The following PHF24 variants were observed in gnomAD, a reference collection of about 807,000 sequenced individuals.
PHF24 encodes the protein PHD finger protein 24, also known as Galpha inhibitory interacting protein.
In PHF24, 25 loss-of-function variants were observed where a neutral mutation model predicts 42.6. The ratio of observed to expected loss-of-function variants is 0.59; its 90% confidence interval spans 0.43 to 0.82. The LOEUF (loss-of-function observed/expected upper bound fraction) is 0.82, where lower values mean the gene tolerates loss of function less well. PHF24 is among the 40% of genes least tolerant of loss of function. The pLI is 0.00. For missense variants in PHF24, 470 were observed against 538.1 expected (o/e 0.87, Z 1.25); for synonymous variants, 185 against 204.8 (o/e 0.90, Z 0.83).
chr9:34,853,929 C>G, the PHF24 span, among the ~76,000 whole-genome samples: 290 of 151,570 alleles, frequency 1.9e-3, no homozygotes, highest in African/African-American at 6.5e-3. Context: ...GGTTGCTAGG[C>G]TATTTGTTAC....
chr9:34,904,825 T>A, the PHF24 span, among the ~76,000 whole-genome samples: 32 of 137,740 alleles, frequency 2.3e-4, no homozygotes, highest in East Asian at 4.2e-4. Context: ...TCAGGGTACC[T>A]AATTCTTCCT....
chr9:34,977,509 T>C (rs760292574), intron 6 of PHF24, 37 bp from the exon 7 acceptor site: 3 of 1,568,120 alleles, frequency 1.9e-6, no homozygotes, highest in Non-Finnish European at 2.6e-6. Context: ...GGCATTTCAC[T>C]ATCCCACTCC....
At chr9:34,942,799 T>C in the PHF24 span, among the ~76,000 whole-genome samples, 1 of 151,988 alleles carries the variant, frequency 6.6e-6, no homozygotes, top group African/African-American at 2.4e-5. Context: ...GAATTGACAG[T>C]AAGAACACTT....
the PHF24 span, chr9:34,894,645 G>A: frequency 1.5e-3 from 605 of 396,816 alleles, 3 homozygotes; most frequent in African/African-American, 0.011. Context: ...TAACTTAACC[G>A]TTTACGATGT....
chr9:34,734,624 G>A, the PHF24 span, among the ~76,000 whole-genome samples: 3 of 152,028 alleles, frequency 2.0e-5, no homozygotes, highest in African/African-American at 7.2e-5. Context: ...TGGAAAAAGG[G>A]AAAAGAAAAA....
chr9:34,727,429 G>T, the PHF24 span, among the ~76,000 whole-genome samples: 1 of 152,176 alleles, frequency 6.6e-6, no homozygotes, highest in African/African-American at 2.4e-5. Flanking sequence ...GGTCCTTGTG[G>T]GACTTCTGCA....
chr9:34,728,701 T>C, the PHF24 span: 1 of 1,525,778 alleles, frequency 6.6e-7, no homozygotes, highest in South Asian at 1.2e-5. Flanking sequence ...CACCATTTTC[T>C]TTCTCATGTC....
At chr9:34,675,210 C>A in the PHF24 span, among the ~76,000 whole-genome samples, 2 of 152,110 alleles carry the variant, frequency 1.3e-5, no homozygotes, top group African/African-American at 4.8e-5. Context: ...TCTCAATCCG[C>A]AAGGGCCTGC....
At chr9:34,941,112 C>A in the PHF24 span, among the ~76,000 whole-genome samples, 1 of 152,160 alleles carries the variant, frequency 6.6e-6, no homozygotes, top group African/African-American at 2.4e-5. Flanking sequence ...GGGGTTACTC[C>A]TGCTTGTACC....
chr9:34,749,973 G>A, the PHF24 span, among the ~76,000 whole-genome samples: 1 of 152,046 alleles, frequency 6.6e-6, no homozygotes, highest in Non-Finnish European at 1.5e-5. Flanking sequence ...CCCTAGAATA[G>A]TATATCTAGC....
the PHF24 span, among the ~76,000 whole-genome samples, chr9:34,864,510 A>G: frequency 2.7e-5 from 4 of 149,766 alleles, no homozygotes; most frequent in African/African-American, 9.9e-5. Flanking sequence ...GTGCTGAAGG[A>G]AAAAAAAAAC....
the PHF24 span, among the ~76,000 whole-genome samples, chr9:34,881,970 A>G: frequency 6.6e-6 from 1 of 152,176 alleles, no homozygotes. Flanking sequence ...TCAATAAAAT[A>G]CTGGCAAACC....
chr9:34,938,990 A>T, the PHF24 span, among the ~76,000 whole-genome samples: 1 of 150,246 alleles, frequency 6.7e-6, no homozygotes, highest in African/African-American at 2.4e-5. Context: ...AAAATAATAT[A>T]ATAAAATTGG....
chr9:34,770,222 G>T, the PHF24 span, among the ~76,000 whole-genome samples: 4 of 152,040 alleles, frequency 2.6e-5, no homozygotes, highest in Non-Finnish European at 5.9e-5. Flanking sequence ...AGAAAAATTG[G>T]CAAATGACAT....
At chr9:34,687,711 G>A in the PHF24 span, among the ~76,000 whole-genome samples, 1 of 152,190 alleles carries the variant, frequency 6.6e-6, no homozygotes, top group African/African-American at 2.4e-5. Flanking sequence ...TCTGTGGCAG[G>A]CTGACTTCCT....
chr9:34,845,815 G>C, the PHF24 span, among the ~76,000 whole-genome samples: 1 of 136,120 alleles, frequency 7.3e-6, no homozygotes, highest in Admixed American at 8.8e-5. Context: ...TGTTCTCATT[G>C]TTCAGTTCCC....
At chr9:34,904,841 G>T in the PHF24 span, among the ~76,000 whole-genome samples, 2 of 135,186 alleles carry the variant, frequency 1.5e-5, no homozygotes, top group Non-Finnish European at 3.2e-5. Flanking sequence ...TTCCTGATTT[G>T]AGCTAGGAGG....
the PHF24 span, among the ~76,000 whole-genome samples, chr9:34,857,672 G>C: frequency 6.6e-6 from 1 of 152,186 alleles, no homozygotes; most frequent in Admixed American, 6.5e-5. Flanking sequence ...TCAGTTGAAA[G>C]TGCAGAATTC....
the PHF24 span, among the ~76,000 whole-genome samples, chr9:34,900,290 A>G: frequency 6.6e-6 from 1 of 152,208 alleles, no homozygotes; most frequent in East Asian, 1.9e-4. Context: ...TTCCAAAGAC[A>G]TTTAAAGGAC....
Sources: gnomAD v4.1 joint callset for allele counts (sites outside exome capture counted in the v4.1 genomes callset) on GRCh38, gnomAD v4.1.1 for gene constraint, MANE v1.5 for transcripts, NCBI Gene and HGNC (gene_info 2026-07-23, HGNC 2026-07-21) for gene names.